The following PLEKHA7 variants were observed in gnomAD, a reference collection of about 807,000 sequenced individuals.
PLEKHA7 encodes pleckstrin homology domain-containing family A member 7.
A neutral mutation model predicts 170.0 loss-of-function variants in PLEKHA7; 104 were observed. That is an observed-to-expected ratio of 0.61 (90% CI 0.52 to 0.72). The LOEUF (loss-of-function observed/expected upper bound fraction) is 0.72. Ranked by LOEUF, PLEKHA7 falls within the 30% of genes least tolerant of loss-of-function variation. PLEKHA7 has a pLI of 0.00. For synonymous variants in PLEKHA7, 648 were observed against 660.8 expected (o/e 0.98, Z 0.30); for missense variants, 1,615 against 1,671.7 (o/e 0.97, Z 0.59).
At position 16,811,641 on chromosome 11, in the gene PLEKHA7, A is replaced by AG. The variant is rs1716003915; in HGVS notation, c.2007+1471dup. 2.6e-5 allele frequency among the ~76,000 whole-genome samples: 4 copies of AG among 152,216 alleles called. No homozygotes were observed. The South Asian group carries it at 8.3e-4, about 32-fold the overall frequency. On this transcript the variant is annotated intron_variant, in intron 13 of 26. Transcript: ENST00000531066. The stretch of plus-strand genomic sequence containing the variant: ...ATCCTGAGGAATTACCACCATACTT[A>AG]GAGCAGTCACTCAAGCTCTGTGTGA...
At chr11:16,975,229 T>C (rs2136767765) in intron 3 of PLEKHA7, among the ~76,000 whole-genome samples, 1 of 152,348 alleles carries the variant, frequency 6.6e-6, no homozygotes, top group East Asian at 1.9e-4. Flanking sequence ...ATTTCAAGAA[T>C]TTTTTATCAA....
intron 3 of PLEKHA7, among the ~76,000 whole-genome samples, chr11:16,950,010 C>CA (rs1450994576): frequency 7.2e-6 from 1 of 139,260 alleles, no homozygotes; most frequent in Admixed American, 8.3e-5. Flanking sequence ...AAGCAGATCT[C>CA]AGAGAGTGGA....
chr11:16,806,029 A>G (rs1848961081), intron 13 of PLEKHA7, among the ~76,000 whole-genome samples: 1 of 152,102 alleles, frequency 6.6e-6, no homozygotes, highest in African/African-American at 2.4e-5. Flanking sequence ...TCTCCTCACT[A>G]GAGAGTAACC....
chr11:16,958,501 A>G (rs1174444012), intron 3 of PLEKHA7, among the ~76,000 whole-genome samples: 1 of 152,218 alleles, frequency 6.6e-6, no homozygotes, highest in Non-Finnish European at 1.5e-5. Flanking sequence ...CAGCGTAGAC[A>G]TGCAAACAGC....
At chr11:16,970,743 T>C (rs996645051) in intron 3 of PLEKHA7, among the ~76,000 whole-genome samples, 2 of 152,118 alleles carry the variant, frequency 1.3e-5, no homozygotes, top group African/African-American at 2.4e-5. Context: ...TAACGAGGAA[T>C]TGTCTATAAC....
chr11:16,789,106 T>A lies in PLEKHA7; in HGVS notation c.3347A>T (p.Asp1116Val), dbSNP rs1019234755. Residue 1116 changes from aspartate to valine, a missense_variant, in exon 23 of 27, where the codon GAT becomes GTT. Transcript: ENST00000531066. This position sits in a 1 kb window ranked among gnomAD's most constrained non-coding sequence, Gnocchi z 4.6. ...CCCCTCCTAACATACTGAGCCAAGA[T>A]CTCCAGGGAGCGGCCGGCTGAGGTA... is the stretch of plus-strand genomic sequence containing the variant. ...SRYLSRPLPG[D>V]LGSWKREQDF... 1.2e-6 allele frequency: 2 copies of A among 1,603,420 alleles called. No individual in the cohort carries two copies. The highest frequency in any genetic ancestry group is 2.7e-5 in the African/African-American group (2 of 74,884).
chr11:16,860,009 A>G (rs1196348263), intron 4 of PLEKHA7, among the ~76,000 whole-genome samples: 1 of 152,270 alleles, frequency 6.6e-6, no homozygotes, highest in Non-Finnish European at 1.5e-5. Context: ...TTTGGGCTAC[A>G]TGAATGCTGA....
At chr11:16,860,210 G>A (rs1853828430) in intron 4 of PLEKHA7, among the ~76,000 whole-genome samples, 1 of 152,244 alleles carries the variant, frequency 6.6e-6, no homozygotes, top group Admixed American at 6.5e-5. Context: ...TGAACAGGAA[G>A]ACACTTTCTC....
chr11:16,903,707 C>A (rs1857481560), intron 3 of PLEKHA7, among the ~76,000 whole-genome samples: 1 of 152,170 alleles, frequency 6.6e-6, no homozygotes, highest in Admixed American at 6.5e-5. Flanking sequence ...CTCACAACGT[C>A]CAAATTACAG....
intron 3 of PLEKHA7, among the ~76,000 whole-genome samples, chr11:16,935,075 A>G (rs1471624162): frequency 1.3e-5 from 2 of 152,228 alleles, no homozygotes; most frequent in East Asian, 3.8e-4. Context: ...ACTTCTTCCA[A>G]ATAAGACTTG....
At chr11:16,926,323 A>G (rs1338712095) in intron 3 of PLEKHA7, among the ~76,000 whole-genome samples, 1 of 152,168 alleles carries the variant, frequency 6.6e-6, no homozygotes, top group African/African-American at 2.4e-5. Flanking sequence ...GCCCTTGGCA[A>G]TAAGGGATCA....
intron 3 of PLEKHA7, among the ~76,000 whole-genome samples, chr11:16,914,311 A>T (rs1317401238): frequency 2.0e-5 from 3 of 152,222 alleles, no homozygotes; most frequent in African/African-American, 7.2e-5. Flanking sequence ...ATCGACATTT[A>T]AAGTGGGAAA....
At chr11:16,886,710 C>CAA (rs35564863) in intron 3 of PLEKHA7, among the ~76,000 whole-genome samples, 915 of 77,622 alleles carry the variant, frequency 0.012, 17 homozygotes, top group East Asian at 0.031. Context: ...GACTCTGTCT[C>CAA]AAAAAAAAAA....
intron 4 of PLEKHA7, among the ~76,000 whole-genome samples, chr11:16,868,725 G>T (rs139749910): frequency 6.6e-6 from 1 of 152,310 alleles, no homozygotes; most frequent in African/African-American, 2.4e-5. Flanking sequence ...TGACATCCAG[G>T]AGATGGGATC....
intron 3 of PLEKHA7, among the ~76,000 whole-genome samples, chr11:16,908,279 G>GAAA (rs35715580): frequency 7.1e-6 from 1 of 141,370 alleles, no homozygotes; most frequent in Non-Finnish European, 1.5e-5. Context: ...AAGAAAATTG[G>GAAA]AAAAAAAAAA....
chr11:16,780,323 G>A (rs1223319122), intron 26 of PLEKHA7, among the ~76,000 whole-genome samples: 1 of 152,240 alleles, frequency 6.6e-6, no homozygotes, highest in Non-Finnish European at 1.5e-5. Flanking sequence ...GGGAGAACTT[G>A]GTAGGGTTGG....
chr11:16,796,683 G>A (rs949338455), intron 17 of PLEKHA7, among the ~76,000 whole-genome samples: 1 of 152,254 alleles, frequency 6.6e-6, no homozygotes, highest in Middle Eastern at 3.4e-3. Context: ...ATTTGAGATA[G>A]GGTCACTTTG....
chr11:16,924,794 C>A (rs961960858), intron 3 of PLEKHA7, among the ~76,000 whole-genome samples: 1 of 152,218 alleles, frequency 6.6e-6, no homozygotes, highest in Admixed American at 6.5e-5. Context: ...TTCAGATTTC[C>A]TCTCTCCAGC....
chr11:16,893,244 TG>T (rs1343335843), intron 3 of PLEKHA7, among the ~76,000 whole-genome samples: 2 of 152,234 alleles, frequency 1.3e-5, no homozygotes, highest in Non-Finnish European at 2.9e-5. Flanking sequence ...GGATTCCCAT[TG>T]GAATCCAAGT....
Sources: allele counts gnomAD v4.1 joint callset (sites outside exome capture counted in the v4.1 genomes callset), GRCh38; gene constraint gnomAD v4.1.1; non-coding constraint Gnocchi (gnomAD v3.1); transcripts MANE v1.5; gene names NCBI Gene and HGNC (gene_info 2026-07-23, HGNC 2026-07-21).